The following UNC13A variants were observed in gnomAD, a reference collection of about 807,000 sequenced individuals.
The protein encoded by UNC13A is unc-13 homolog A.
A neutral mutation model predicts 219.7 loss-of-function variants in UNC13A; 61 were observed. That is an observed-to-expected ratio of 0.28 (90% confidence interval 0.23 to 0.34). The LOEUF (loss-of-function observed/expected upper bound fraction) is 0.34, where lower values mean the gene tolerates loss of function less well. Ranked by LOEUF, UNC13A falls within the 10% of genes least tolerant of loss-of-function variation. UNC13A has a pLI of 1.00. For missense variants in UNC13A, 1,476 were observed against 2,270.3 expected (o/e 0.65, Z 7.11); for synonymous variants, 920 against 884.6 (o/e 1.04, Z -0.71).
chr19:17,625,728 C>A (rs1410151441), intron 34 of UNC13A, among the ~76,000 whole-genome samples: 1 of 151,326 alleles, frequency 6.6e-6, no homozygotes, highest in African/African-American at 2.4e-5. Flanking sequence ...ATCCACCCAC[C>A]CCCCCATCTG....
At chr19:17,655,439 C>T (rs1196651518) in intron 10 of UNC13A, 57 bp from the exon 11 acceptor site, 1 of 1,333,422 alleles carries the variant, frequency 7.5e-7, no homozygotes, top group African/African-American at 1.5e-5. Flanking sequence ...CCTGAACTTC[C>T]CTTGACCCTC....
Position 17,606,132 on chromosome 19 carries a change from G to C in UNC13A, c.5034C>G (p.Asp1678Glu). The C allele has an allele frequency of 6.3e-7, 1 of 1,593,378 alleles. No homozygotes were observed. Among genetic ancestry groups the C allele is most frequent in the African/African-American group, 1.4e-5 (1 of 73,008 alleles). ...GCTTCACGAACTCCTTGGCCACCTC[G>C]TCGTTGCTGCGCTGCGAGAGGATTC... ...VLRILSQRSN[D>E]EVAKEFVKLK... The change falls in exon 44 of 44, where the codon GAC (aspartate) becomes GAG (glutamate). Residue 1678 changes from aspartate to glutamate, a missense_variant. By Grantham distance (45) the Asp-to-Glu change is conservative. Coordinates refer to ENST00000519716, the MANE Select transcript of UNC13A (RefSeq NM_001080421.3).
In UNC13A at chr19:17,617,860, C is replaced by A. The variant is rs779838329; in HGVS notation, c.4411-11G>T. 1.2e-6 allele frequency: 2 copies of A among 1,613,608 alleles called. No individual in the cohort carries two copies. Among genetic ancestry groups the A allele is most frequent in the Non-Finnish European group, 1.7e-6 (2 of 1,179,764 alleles). On this transcript the variant is annotated splice_polypyrimidine_tract_variant and intron_variant, in intron 40 of 43. Coordinates refer to ENST00000519716, the MANE Select transcript of UNC13A (RefSeq NM_001080421.3). ...CGCGTGGAAATATTGCTGGGGAGGA[C>A]AGGGTGGGGAGAGGTGAGGATGGTG...
chr19:17,634,974 C>T (rs183356492), intron 26 of UNC13A, among the ~76,000 whole-genome samples: 1 of 151,940 alleles, frequency 6.6e-6, no homozygotes, highest in Admixed American at 6.6e-5. Flanking sequence ...GGGTTCACGC[C>T]ATTCTCCTGC....
At chr19:17,656,947 C>T (rs999148665) in intron 9 of UNC13A, among the ~76,000 whole-genome samples, 1 of 151,978 alleles carries the variant, frequency 6.6e-6, no homozygotes, top group South Asian at 2.1e-4. Flanking sequence ...TCAGGGTCAG[C>T]GCCATCACCA....
chr19:17,643,734 C>T (rs1162986221), intron 19 of UNC13A, among the ~76,000 whole-genome samples: 1 of 152,130 alleles, frequency 6.6e-6, no homozygotes, highest in Non-Finnish European at 1.5e-5. Flanking sequence ...ACAAGGATCC[C>T]AGACCTTGCT....
At chr19:17,670,797 A>T (rs967189494) in intron 4 of UNC13A, among the ~76,000 whole-genome samples, 44 of 151,912 alleles carry the variant, frequency 2.9e-4, no homozygotes, top group African/African-American at 1.0e-3. Context: ...CCAGCTACTC[A>T]GGAGGTTGAG....
intron 40 of UNC13A, 80 bp from the exon 41 acceptor site, chr19:17,617,929 C>G: frequency 6.4e-7 from 1 of 1,551,454 alleles, no homozygotes. Flanking sequence ...CTGCTGTCCC[C>G]ACTCCCAATT....
chr19:17,669,446 T>TG (rs1242803181), intron 5 of UNC13A, 107 bp downstream of exon 5: 116 of 1,430,874 alleles, frequency 8.1e-5, no homozygotes, highest in Non-Finnish European at 9.9e-5. Context: ...ATTCTCAGCC[T>TG]GAAGGGTCAG....
chr19:17,674,591 C>T lies in UNC13A; in HGVS notation c.152+66G>A. On this transcript the variant is annotated intron_variant, in intron 3 of 43. Coordinates refer to ENST00000519716, the MANE Select transcript of UNC13A (RefSeq NM_001080421.3). This position sits in a 1 kb window ranked among gnomAD's most constrained non-coding sequence, Gnocchi z 5.0. ...GGATTCCCCAGTGTCCAGCTCTGCC[C>T]TGAGGGGCCAGCGAGGTGCTGGGCT... 2.0e-6 allele frequency: 3 copies of T among 1,476,686 alleles called. No individual in the cohort carries two copies. Among genetic ancestry groups the T allele is most frequent in the Admixed American group, 3.4e-5 (2 of 59,250 alleles). 91.5% of individuals were successfully genotyped at this position (1,476,686 alleles called of 1,614,324 possible).
chr19:17,655,997 A>T lies in UNC13A; in HGVS notation c.1169T>A (p.Val390Glu). 1 of 1,578,798 alleles carries T rather than the reference A, an allele frequency of 6.3e-7. No homozygotes were observed. The highest frequency in any genetic ancestry group is 8.6e-7 in the Non-Finnish European group (1 of 1,162,822). ...AAPGKEDKAP[V>E]APTEAPDMAK... ...CATGTCGGGGGCCTCGGTGGGTGCC[A>T]CTGGGGCCTTGTCCTCCTTCCCTGG... is the stretch of plus-strand genomic sequence containing the variant. Residue 390 changes from valine to glutamate, a missense_variant, in exon 10 of 44, where the codon GTG (valine) becomes GAG (glutamate). This residue lies in a region of UNC13A where 351 missense variants were observed against 342.6 expected (regional missense o/e 1.02). Transcript: ENST00000519716.
intron 19 of UNC13A, 54 bp from the exon 20 acceptor site, chr19:17,643,014 A>G: frequency 6.8e-7 from 1 of 1,468,972 alleles, no homozygotes; most frequent in Non-Finnish European, 9.2e-7. Flanking sequence ...AGCAGTGGGC[A>G]ATTTTTTTTT....
chr19:17,658,321 G>C (rs2145872843), intron 8 of UNC13A, 52 bp from the exon 9 acceptor site: 4 of 1,532,552 alleles, frequency 2.6e-6, no homozygotes, highest in Non-Finnish European at 3.6e-6. Flanking sequence ...GAGTGCACAT[G>C]ATGGGAGCCA....
rs749905153 is a variant in UNC13A, at chr19:17,609,933, A to G, written c.4811+7T>C. On this transcript the variant is annotated splice_region_variant and intron_variant, in intron 43 of 43. Transcript: ENST00000519716. ...CCCCCATGCTCTTCAAAGCATCCCAAACTCACAACTGGAAGCTCTCATTGT... is the reference window on the plus strand; with the variant it reads ...CCCCCATGCTCTTCAAAGCATCCCAGACTCACAACTGGAAGCTCTCATTGT... 1.2e-6 allele frequency: 2 copies of G among 1,612,956 alleles called. No individual in the cohort carries two copies. The highest frequency in any genetic ancestry group is 8.5e-7 in the Non-Finnish European group (1 of 1,179,842).
chr19:17,672,612 G>C, intron 3 of UNC13A, 117 bp from the exon 4 acceptor site: 1 of 731,578 alleles, frequency 1.4e-6, no homozygotes, highest in Non-Finnish European at 2.2e-6. Context: ...CTAGGCCTGG[G>C]AGTGTCCTAG....
At chr19:17,606,998 T>G (rs1287948169) in intron 43 of UNC13A, among the ~76,000 whole-genome samples, 1 of 152,102 alleles carries the variant, frequency 6.6e-6, no homozygotes, top group East Asian at 1.9e-4. Context: ...CTTCTCCCTC[T>G]TGTCCACCTC....
In UNC13A at chr19:17,603,898, G is replaced by A. The variant is rs2076493733; in HGVS notation, c.*2156C>T. On this transcript the variant is annotated 3_prime_UTR_variant, in exon 44 of 44. Transcript: ENST00000519716. ...GTGATCACGACTCACTACAACCTCT[G>A]CCTCCAGGGTTCAAACAATTCTCCC... The A allele has an allele frequency of 6.6e-6, 1 of 151,268 alleles. No homozygotes were observed. The highest frequency in any genetic ancestry group is 2.4e-5 in the African/African-American group (1 of 41,008). 9.4% of individuals were successfully genotyped at this position (151,268 alleles called of 1,614,324 possible). A position where few individuals can be genotyped will look rare whatever the true frequency, so the allele number is the denominator to read the frequency against.
intron 1 of UNC13A, among the ~76,000 whole-genome samples, chr19:17,686,315 C>A (rs1435350754): frequency 4.5e-5 from 4 of 88,310 alleles, no homozygotes; most frequent in East Asian, 6.1e-4. Flanking sequence ...CCCCCCCCCC[C>A]CCACTCCACT....
rs552834010 is a variant in UNC13A at position 17,656,032 on chromosome 19, C to T, written c.1134G>A (p.Pro378=). 13 of 1,566,398 alleles carry T rather than the reference C, an allele frequency of 8.3e-6. No homozygotes were observed. Among genetic ancestry groups the T allele is most frequent in the Middle Eastern group, 3.3e-4 (2 of 5,986 alleles). The stretch of plus-strand genomic sequence containing the variant: ...TGTCCTCCTTCCCTGGGGCAGCTGG[C>T]GGGAGGCTGATGCGTTTGAAGTCTT... The part of the protein sequence containing the change: ...EPKDFKRISL[P]PAAPGKEDKA... The change falls in exon 10 of 44, where the codon CCG becomes CCA. Residue 378 remains proline (P), a synonymous_variant. Coordinates refer to ENST00000519716, the MANE Select transcript of UNC13A (RefSeq NM_001080421.3).
Sources: allele counts gnomAD v4.1 joint callset (sites outside exome capture counted in the v4.1 genomes callset), GRCh38; gene constraint gnomAD v4.1.1; regional missense constraint gnomAD v4.1.1; non-coding constraint Gnocchi (gnomAD v3.1); transcripts MANE v1.5; gene names NCBI Gene and HGNC (gene_info 2026-07-23, HGNC 2026-07-21).